Variants in AGO1 observed in about 807,000 individuals in gnomAD.
AGO1 encodes the protein protein argonaute-1.
Under a neutral mutation model 109.2 loss-of-function variants are expected in AGO1, and 11 were observed. The ratio of observed to expected loss-of-function variants is 0.10; its 90% confidence interval spans 0.06 to 0.17. AGO1 has a LOEUF of 0.17. AGO1 is among the 10% of genes least tolerant of loss of function. The pLI is 1.00. For synonymous variants in AGO1, 422 were observed against 418.6 expected (o/e 1.01, Z -0.10); for missense variants, 574 against 1,140.3 (o/e 0.50, Z 7.15).
chr1:35,877,210 T>G (rs1404737040), intron 1 of AGO1, among the ~76,000 whole-genome samples: 2 of 152,178 alleles, frequency 1.3e-5, no homozygotes, highest in East Asian at 3.9e-4. Flanking sequence ...TTGCTGCCTT[T>G]CCCCTGGCTT....
At chr1:35,914,131 C>A in intron 13 of AGO1, 53 bp from the exon 14 acceptor site, 1 of 1,596,322 alleles carries the variant, frequency 6.3e-7, no homozygotes, top group Non-Finnish European at 8.6e-7. Flanking sequence ...CTGGATGGTG[C>A]CAGCTAGAGA....
chr1:35,907,306 G>T (rs1345505040), intron 12 of AGO1, among the ~76,000 whole-genome samples, 187 bp downstream of exon 12: 1 of 151,992 alleles, frequency 6.6e-6, no homozygotes, highest in East Asian at 1.9e-4. Context: ...CTAATTACCT[G>T]CACACACTCC....
chr1:35,872,311 G>T (rs184866870), intron 1 of AGO1, among the ~76,000 whole-genome samples: 1 of 150,202 alleles, frequency 6.7e-6, no homozygotes, highest in East Asian at 2.0e-4. Context: ...TCAGCCTCCT[G>T]AGTAGTCGGG....
chr1:35,902,696 A>G (rs1261069731), intron 11 of AGO1, among the ~76,000 whole-genome samples: 1 of 152,262 alleles, frequency 6.6e-6, no homozygotes, highest in African/African-American at 2.4e-5. Context: ...TTTCATCTTT[A>G]CAGTGAGTAG....
Position 35,907,953 on chromosome 1 carries a change from C to T in AGO1, c.1582+834C>T, listed in dbSNP as rs79664082. Among the ~76,000 whole-genome samples the T allele has an allele frequency of 9.3e-3, 1,422 of 152,226 alleles. 23 individuals carry two copies. Among genetic ancestry groups the T allele is most frequent in the African/African-American group, 0.032 (1,328 of 41,508 alleles). On this transcript the variant is annotated intron_variant, in intron 12 of 18. Transcript: ENST00000373204. ...TAGTCTGGGCAACAAAGCAAGACCT[C>T]ATCTCTACAAAAAAATAAAGTTACC...
chr1:35,888,650 C>A lies in AGO1; in HGVS notation c.209+40C>A. ...CCTAAGCCACCAAATCTGAAAGACA[C>A]CAACCTTGAAAGAGGGGCCAGAAAG... is the stretch of plus-strand genomic sequence containing the variant. On this transcript the variant is annotated intron_variant, in intron 2 of 18. Coordinates refer to ENST00000373204, the MANE Select transcript of AGO1 (RefSeq NM_012199.5). This position sits in a 1 kb window ranked among gnomAD's most constrained non-coding sequence, Gnocchi z 4.1. The A allele has an allele frequency of 6.2e-7, 1 of 1,604,402 alleles. No homozygotes were observed. Among genetic ancestry groups the A allele is most frequent in the Non-Finnish European group, 8.5e-7 (1 of 1,173,176 alleles).
Position 35,883,574 on chromosome 1 carries a change from A to G in AGO1, c.25+128A>G, listed in dbSNP as rs1389657078. The G allele has an allele frequency of 1.5e-5, 20 of 1,333,902 alleles. No homozygotes were observed. The highest frequency in any genetic ancestry group is 1.9e-5 in the Non-Finnish European group (19 of 1,021,186). The allele number at this position is 1,333,902 out of a possible 1,614,324, so 82.6% of individuals were successfully genotyped here. A position where few individuals can be genotyped will look rare whatever the true frequency, so the allele number is the denominator to read the frequency against. ...AAGGGCTCTCCCACGATGGGGGCCC[A>G]GTTTGAAGGAGGCTGTGTGCAGTTC... On this transcript the variant is annotated intron_variant, in intron 1 of 18. Transcript: ENST00000373204. This position sits in a 1 kb window ranked among gnomAD's most constrained non-coding sequence, Gnocchi z 5.4.
Position 35,921,417 on chromosome 1 carries a change from C to G in AGO1, c.*1810C>G, listed in dbSNP as rs1266582286. The G allele has an allele frequency of 6.6e-6, 1 of 150,862 alleles. No individual in the cohort carries two copies. The highest frequency in any genetic ancestry group is 1.5e-5 in the Non-Finnish European group (1 of 68,130). 9.3% of individuals were successfully genotyped at this position (150,862 alleles called of 1,614,324 possible). A position where few individuals can be genotyped will look rare whatever the true frequency, so the allele number is the denominator to read the frequency against. ...CCCCTGCCCTTTTTCCTTGACTGTT[C>G]ATTTTTTTCCTGCCCCACTGCTTGG... On this transcript the variant is annotated 3_prime_UTR_variant, in exon 19 of 19. Transcript: ENST00000373204.
At chr1:35,894,201 C>A in intron 6 of AGO1, 30 bp downstream of exon 6, 1 of 1,568,842 alleles carries the variant, frequency 6.4e-7, no homozygotes, top group Non-Finnish European at 8.7e-7. Flanking sequence ...GGAAGGGAAA[C>A]AGCGCCACTT....
At chr1:35,896,928 A>G (rs1246623211) in intron 8 of AGO1, among the ~76,000 whole-genome samples, 1 of 152,220 alleles carries the variant, frequency 6.6e-6, no homozygotes, top group Non-Finnish European at 1.5e-5. Context: ...TTGTTAGCAA[A>G]TTAACATTAT....
chr1:35,896,485 C>T (rs1301848114), intron 8 of AGO1, among the ~76,000 whole-genome samples: 2 of 152,020 alleles, frequency 1.3e-5, no homozygotes, highest in African/African-American at 2.4e-5. Flanking sequence ...GCCTCAGCCT[C>T]CAGTAGCTAG....
At chr1:35,870,029 A>C (rs1644934571) in intron 1 of AGO1, 1 of 152,116 alleles carries the variant, frequency 6.6e-6, no homozygotes, top group South Asian at 2.1e-4. Context: ...TTTTTCTTTA[A>C]TTTTTAATTT....
intron 12 of AGO1, among the ~76,000 whole-genome samples, chr1:35,913,112 C>T (rs1045737660): frequency 3.6e-4 from 54 of 151,976 alleles, no homozygotes; most frequent in Non-Finnish European, 3.7e-4. Flanking sequence ...CTCCACCTCC[C>T]GGGTTCACGC....
At chr1:35,875,040 G>A (rs920994940) in intron 1 of AGO1, among the ~76,000 whole-genome samples, 3 of 152,204 alleles carry the variant, frequency 2.0e-5, no homozygotes, top group South Asian at 2.1e-4. Flanking sequence ...CATAAAAGTC[G>A]AAGGTGCTTA....
At position 35,886,742 on chromosome 1, in the gene AGO1, T is replaced by A. The variant is rs75174877; in HGVS notation, c.26-1685T>A. Among the ~76,000 whole-genome samples the A allele has an allele frequency of 8.0e-3, 1,226 of 152,320 alleles. 24 individuals are homozygous for A. Among genetic ancestry groups the A allele is most frequent in the African/African-American group, 0.026 (1,101 of 41,560 alleles). On this transcript the variant is annotated intron_variant, in intron 1 of 18. Transcript: ENST00000373204. ...GGGCAATTGCAGGTGTTCGTGTGTC[T>A]GTGTGCTGTGTGTGCTTGTGTGTTT...
chr1:35,877,232 C>T (rs995622749), intron 1 of AGO1, among the ~76,000 whole-genome samples: 2 of 152,132 alleles, frequency 1.3e-5, no homozygotes, highest in Admixed American at 6.5e-5. Flanking sequence ...GGCTAGGGAG[C>T]GAATGGGCAG....
At chr1:35,894,245 CAG>C in intron 6 of AGO1, 68 bp from the exon 7 acceptor site, 8 of 1,600,052 alleles carry the variant, frequency 5.0e-6, no homozygotes, top group Non-Finnish European at 6.8e-6. Flanking sequence ...GGGGTATGCT[CAG>C]GGGAGAGACC....
At chr1:35,905,627 C>T (rs1048353465) in intron 11 of AGO1, among the ~76,000 whole-genome samples, 5 of 152,086 alleles carry the variant, frequency 3.3e-5, no homozygotes, top group South Asian at 2.1e-4. Flanking sequence ...CCACCATGCC[C>T]GGCTAGGTTT....
chr1:35,881,969 A>G (rs1645041727), upstream of AGO1, among the ~76,000 whole-genome samples: 1 of 152,246 alleles, frequency 6.6e-6, no homozygotes, highest in African/African-American at 2.4e-5. Flanking sequence ...CACCAGCATA[A>G]GAAACCATCA....
Sources: gnomAD v4.1 joint callset for allele counts (sites outside exome capture counted in the v4.1 genomes callset) on GRCh38, gnomAD v4.1.1 for gene constraint, Gnocchi (gnomAD v3.1) non-coding constraint, MANE v1.5 for transcripts, NCBI Gene and HGNC (gene_info 2026-07-23, HGNC 2026-07-21) for gene names.